Variants in ABCC8 observed in about 807,000 individuals in gnomAD.
The protein encoded by ABCC8 is ATP-binding cassette sub-family C member 8.
ABCC8 carries 137 observed loss-of-function variants against 188.0 expected under a neutral mutation model. The observed-to-expected ratio is 0.73, with a 90% CI of 0.63 to 0.84. The LOEUF is 0.84. Among genes scored for constraint, ABCC8 ranks in the 40% least tolerant of loss-of-function variants. ABCC8 has a pLI of 0.00. For missense variants in ABCC8, 1,750 were observed against 2,072.7 expected (o/e 0.84, Z 3.02); for synonymous variants, 797 against 846.5 (o/e 0.94, Z 1.01).
At chr11:17,434,686 A>AT (rs1048217293) in intron 10 of ABCC8, among the ~76,000 whole-genome samples, 1 of 152,080 alleles carries the variant, frequency 6.6e-6, no homozygotes, top group African/African-American at 2.4e-5. Context: ...TTTTAATTTA[A>AT]TTTTTTTCAA....
At chr11:17,392,709 C>G (rs986039031), downstream of ABCC8, 12 of 481,690 alleles carry the variant, frequency 2.5e-5, no homozygotes, top group Middle Eastern at 1.8e-3. Context: ...TGTTTTAAAG[C>G]CACCCAGTCT....
chr11:17,463,257 C>T (rs868595556), intron 4 of ABCC8, among the ~76,000 whole-genome samples, 181 bp downstream of exon 4: 14 of 152,302 alleles, frequency 9.2e-5, no homozygotes, highest in African/African-American at 3.1e-4. Context: ...CACACGTGGG[C>T]CAGATGCAGT....
At position 17,393,079 on chromosome 11, in the gene ABCC8, C is replaced by A. The variant is rs1308397642; in HGVS notation, c.4658G>T (p.Arg1553Leu). The A allele has an allele frequency of 6.2e-7, 1 of 1,614,070 alleles. No homozygotes were observed. The highest frequency in any genetic ancestry group is 1.1e-5 in the South Asian group (1 of 91,082). Residue 1553 changes from arginine (R) to leucine (L), a missense_variant, in exon 39 of 39, where the codon CGG becomes CTG. Arg to Leu is a moderately radical substitution (Grantham distance 102). Coordinates refer to ENST00000389817, the MANE Select transcript of ABCC8 (RefSeq NM_000352.6). Reference sequence around the variant, plus strand: ...CTTATCGAACTCAAGGATGGCACCCCGCTTCAGGACGATCACCAGGTCTGC... The same window carrying A: ...CTTATCGAACTCAAGGATGGCACCCAGCTTCAGGACGATCACCAGGTCTGC... ...LSADLVIVLKRGAILEFDKPE... is the reference protein window; with the variant it reads ...LSADLVIVLKLGAILEFDKPE...
intron 18 of ABCC8, 29 bp from the exon 19 acceptor site, chr11:17,414,639 T>C (rs1423257475): frequency 3.7e-6 from 6 of 1,613,436 alleles, no homozygotes; most frequent in Admixed American, 1.7e-5. Flanking sequence ...GAGTAGGGGG[T>C]GCGGAAGGCA....
intron 12 of ABCC8, chr11:17,430,372 G>C: frequency 3.2e-6 from 1 of 316,204 alleles, no homozygotes; most frequent in South Asian, 3.0e-5. Flanking sequence ...GGGCTCAGGG[G>C]CTGTGGAAAG....
chr11:17,453,516 C>A (rs1230647987), intron 6 of ABCC8, among the ~76,000 whole-genome samples: 1 of 152,180 alleles, frequency 6.6e-6, no homozygotes, highest in Non-Finnish European at 1.5e-5. Flanking sequence ...CTTGGGGGAA[C>A]AGAATGGGGC....
At chr11:17,435,948 C>A (rs74684488) in intron 10 of ABCC8, 6 of 1,576,820 alleles carry the variant, frequency 3.8e-6, no homozygotes, top group Non-Finnish European at 4.4e-6. Context: ...CCCCTGCACT[C>A]AAAGCAATAC....
chr11:17,398,192 A>G, intron 30 of ABCC8, 147 bp downstream of exon 30: 2 of 1,078,140 alleles, frequency 1.9e-6, no homozygotes, highest in Non-Finnish European at 2.7e-6. Flanking sequence ...AGACACTAGG[A>G]GGACCACCAG....
chr11:17,411,888 G>GT (rs1469773122), intron 21 of ABCC8, among the ~76,000 whole-genome samples: 5 of 140,094 alleles, frequency 3.6e-5, no homozygotes, highest in African/African-American at 1.1e-4. Flanking sequence ...TTGCGAATAC[G>GT]TTCTTTTTTT....
intron 2 of ABCC8, 106 bp from the exon 3 acceptor site, chr11:17,470,328 C>T (rs935415925): frequency 4.6e-5 from 73 of 1,572,374 alleles, no homozygotes; most frequent in African/African-American, 6.7e-5. Flanking sequence ...TTTATAGCAT[C>T]ACTTTATAGG....
intron 10 of ABCC8, chr11:17,435,631 GTAA>G: frequency 7.2e-7 from 1 of 1,396,676 alleles, no homozygotes; most frequent in Admixed American, 1.7e-5. Context: ...ATGGGTGAAT[GTAA>G]TAATGTGTAG....
intron 36 of ABCC8, 199 bp downstream of exon 36, chr11:17,394,973 C>A: frequency 1.5e-6 from 1 of 666,114 alleles, no homozygotes; most frequent in Non-Finnish European, 2.6e-6. Flanking sequence ...GAGCCAGACC[C>A]TGAACTGACC....
In ABCC8 at chr11:17,442,789, G is replaced by C; in HGVS notation, c.1561C>G (p.Arg521Gly). ...LYAWENIFRT[R>G]VETTRRKEMT... ...TCCTTCCTGCGGGTCGTCTCCACCC[G>C]CGTGCGGAAGATGTTCTCCCAGGCG... The change falls in exon 10 of 39, where the codon CGG (arginine) becomes GGG (glycine). Residue 521 changes from arginine to glycine, a missense_variant. By Grantham distance (125) the Arg-to-Gly change is moderately radical (BLOSUM62 -2). Coordinates refer to ENST00000389817, the MANE Select transcript of ABCC8 (RefSeq NM_000352.6). 6.2e-7 allele frequency: 1 copy of C among 1,614,054 alleles called. No homozygotes were observed. The highest frequency in any genetic ancestry group is 8.5e-7 in the Non-Finnish European group (1 of 1,180,034).
intron 10 of ABCC8, among the ~76,000 whole-genome samples, chr11:17,437,368 C>T (rs1956147029): frequency 6.6e-6 from 1 of 152,206 alleles, no homozygotes; most frequent in Non-Finnish European, 1.5e-5. Context: ...ATACCAGGAG[C>T]TTTTCATTTC....
chr11:17,475,450 C>T (rs981718809), intron 1 of ABCC8, among the ~76,000 whole-genome samples: 9 of 152,116 alleles, frequency 5.9e-5, no homozygotes, highest in Admixed American at 1.3e-4. Flanking sequence ...TCTCGAACTC[C>T]TGGACTCAAG....
chr11:17,439,051 G>A (rs997208714), intron 10 of ABCC8, among the ~76,000 whole-genome samples: 3 of 152,196 alleles, frequency 2.0e-5, no homozygotes, highest in East Asian at 1.9e-4. Flanking sequence ...CCTGGAGAAC[G>A]GGGAGAACAT....
At chr11:17,406,301 A>G in intron 26 of ABCC8, 1 of 374,428 alleles carries the variant, frequency 2.7e-6, no homozygotes, top group East Asian at 5.2e-5. Context: ...AGCTGAACTC[A>G]TGGGTGGGGA....
chr11:17,438,744 A>G (rs1363870324), intron 10 of ABCC8, among the ~76,000 whole-genome samples: 1 of 152,204 alleles, frequency 6.6e-6, no homozygotes, highest in Admixed American at 6.5e-5. Flanking sequence ...CTTGCAAGGT[A>G]CAGCCCACAT....
At chr11:17,432,515 G>C (rs954021210) in intron 10 of ABCC8, among the ~76,000 whole-genome samples, 1 of 152,216 alleles carries the variant, frequency 6.6e-6, no homozygotes, top group Non-Finnish European at 1.5e-5. Flanking sequence ...AGCCCCACGG[G>C]AAAGTGGTGG....
Sources: allele counts gnomAD v4.1 joint callset (sites outside exome capture counted in the v4.1 genomes callset), GRCh38; gene constraint gnomAD v4.1.1; transcripts MANE v1.5; gene names NCBI Gene and HGNC (gene_info 2026-07-23, HGNC 2026-07-21).